The following ROBO1 variants were observed in gnomAD, a reference collection of about 807,000 sequenced individuals.
The protein encoded by ROBO1 is roundabout guidance receptor 1.
In ROBO1, 149 loss-of-function variants were observed where a neutral mutation model predicts 195.9. That is an observed-to-expected ratio of 0.76 (90% CI 0.67 to 0.87). ROBO1 has a LOEUF of 0.87. ROBO1 is among the 40% of genes least tolerant of loss of function. The pLI is 0.00. For missense variants in ROBO1, 1,933 were observed against 2,068.3 expected, an observed-to-expected ratio of 0.93 and a Z score of 1.27; for synonymous variants, 816 against 733.2, an observed-to-expected ratio of 1.11 and a Z score of -1.82.
chr3:78,749,701 G>GT (rs1303775561), intron 4 of ROBO1, among the ~76,000 whole-genome samples: 1 of 152,040 alleles, frequency 6.6e-6, no homozygotes, highest in African/African-American at 2.4e-5. Flanking sequence ...GTACACTTAA[G>GT]TCATCACAAT....
Position 78,633,938 on chromosome 3 carries a change from A to C in ROBO1, c.3478T>G (p.Ser1160Ala). ...TTCTTTGGTTCATCTTACTTACCAG[A>C]TGTACTACTGCCCCGGTCTGAGCTG... ...YNSSDRGSST[S>A]GSQGHKKGAR... is the part of the protein sequence containing the mutation. Residue 1160 changes from serine (S) to alanine (A), a missense_variant, in exon 24 of 31, where the codon TCT (serine) becomes GCT (alanine). By Grantham distance (99) the Ser-to-Ala change is moderately conservative. This residue lies in a region of ROBO1 where 1,737 missense variants were observed against 1,882.5 expected (regional missense o/e 0.92). Coordinates refer to ENST00000464233, the MANE Select transcript of ROBO1 (RefSeq NM_002941.4). The C allele has an allele frequency of 6.3e-7, 1 of 1,597,604 alleles. No individual in the cohort carries two copies. The highest frequency in any genetic ancestry group is 8.6e-7 in the Non-Finnish European group (1 of 1,168,912).
chr3:79,101,785 G>A (rs1260717764), intron 3 of ROBO1, among the ~76,000 whole-genome samples: 13 of 151,874 alleles, frequency 8.6e-5, no homozygotes, highest in Admixed American at 8.6e-4. Context: ...GATTTTACCA[G>A]GATTTCTTTG....
At chr3:79,086,867 T>G (rs2108477774) in intron 3 of ROBO1, among the ~76,000 whole-genome samples, 1 of 152,286 alleles carries the variant, frequency 6.6e-6, no homozygotes, top group South Asian at 2.1e-4. Flanking sequence ...ATAAAACTCC[T>G]TTATGAGGTC....
chr3:78,973,684 T>C (rs2107933285), intron 3 of ROBO1, among the ~76,000 whole-genome samples: 1 of 150,790 alleles, frequency 6.6e-6, no homozygotes, highest in East Asian at 2.0e-4. Flanking sequence ...ACAAGGCAAT[T>C]AAATAAATTC....
rs556855735 is a variant in ROBO1, at chr3:78,811,536, A to G, written c.500-64636T>C. Among the ~76,000 whole-genome samples the G allele has an allele frequency of 2.6e-4, 40 of 152,220 alleles. No homozygotes were observed. In the Middle Eastern group the frequency reaches 0.01, roughly 39 times the overall value. On this transcript the variant is annotated intron_variant, in intron 4 of 30. Coordinates refer to ENST00000464233, the MANE Select transcript of ROBO1 (RefSeq NM_002941.4). Reference sequence around the variant, plus strand: ...TGTGGAAACAGCTAAATCCTACAATATCTCTCAATTGCCCTGAAAATAGAA... The same window carrying G: ...TGTGGAAACAGCTAAATCCTACAATGTCTCTCAATTGCCCTGAAAATAGAA...
chr3:78,747,035 T>C (rs1253237803), intron 4 of ROBO1, 135 bp from the exon 5 acceptor site: 6 of 474,664 alleles, frequency 1.3e-5, no homozygotes, highest in Non-Finnish European at 1.7e-5. Flanking sequence ...TTTAAGAATC[T>C]ATATCTACTT....
chr3:79,398,953 T>A (rs2037256692), intron 2 of ROBO1, among the ~76,000 whole-genome samples: 1 of 152,088 alleles, frequency 6.6e-6, no homozygotes, highest in Admixed American at 6.6e-5. Flanking sequence ...TGATCAAATT[T>A]TCTTCCTTTT....
intron 1 of ROBO1, among the ~76,000 whole-genome samples, chr3:79,672,533 G>C (rs561887476): frequency 6.6e-6 from 1 of 151,974 alleles, no homozygotes; most frequent in South Asian, 2.1e-4. Flanking sequence ...AAGTACACAG[G>C]ATAAATATCA....
intron 3 of ROBO1, among the ~76,000 whole-genome samples, chr3:78,952,673 A>C (rs1186829552): frequency 2.0e-5 from 3 of 152,038 alleles, no homozygotes; most frequent in South Asian, 4.1e-4. Context: ...TTGAAATAAG[A>C]AGCATAAAAA....
chr3:79,557,496 G>A (rs1454242419), intron 2 of ROBO1, among the ~76,000 whole-genome samples: 1 of 151,824 alleles, frequency 6.6e-6, no homozygotes, highest in Non-Finnish European at 1.5e-5. Context: ...CCACTTCAGA[G>A]GCTGAGGGGG....
intron 13 of ROBO1, 40 bp downstream of exon 13, chr3:78,668,094 A>C: frequency 6.2e-7 from 1 of 1,611,088 alleles, no homozygotes; most frequent in African/African-American, 1.3e-5. Context: ...TTAATGGAGA[A>C]TCAAAAAAGA....
chr3:78,866,629 G>A (rs955689818), intron 4 of ROBO1, among the ~76,000 whole-genome samples: 1 of 152,150 alleles, frequency 6.6e-6, no homozygotes, highest in African/African-American at 2.4e-5. Context: ...TTGCATAGTA[G>A]TCCAGGTGAC....
chr3:78,768,581 G>C (rs2083286842), intron 4 of ROBO1, among the ~76,000 whole-genome samples: 1 of 151,218 alleles, frequency 6.6e-6, no homozygotes. Flanking sequence ...TTGTGTGTCT[G>C]GTATGTTAAA....
At chr3:79,253,944 T>G (rs990952130) in intron 2 of ROBO1, among the ~76,000 whole-genome samples, 14 of 152,202 alleles carry the variant, frequency 9.2e-5, no homozygotes, top group African/African-American at 3.4e-4. Flanking sequence ...GGTTGCAACA[T>G]GATTTAACGT....
intron 4 of ROBO1, among the ~76,000 whole-genome samples, chr3:78,922,873 C>T (rs769063455): frequency 6.6e-6 from 1 of 152,198 alleles, no homozygotes; most frequent in African/African-American, 2.4e-5. Context: ...GCTGGCATTA[C>T]AGGTGTGAGC....
At chr3:79,156,829 T>C (rs1576749255) in intron 2 of ROBO1, among the ~76,000 whole-genome samples, 2 of 151,964 alleles carry the variant, frequency 1.3e-5, no homozygotes, top group South Asian at 4.1e-4. Flanking sequence ...TTGAGGTTGG[T>C]AAGGAGAATA....
chr3:78,649,145 A>G (rs1706489174), intron 19 of ROBO1, among the ~76,000 whole-genome samples: 1 of 151,994 alleles, frequency 6.6e-6, no homozygotes, highest in Admixed American at 6.6e-5. Context: ...AAAAAATGAA[A>G]GGTGCATTTG....
chr3:79,463,095 C>T (rs537600573), intron 2 of ROBO1, among the ~76,000 whole-genome samples: 2 of 152,194 alleles, frequency 1.3e-5, no homozygotes, highest in South Asian at 2.1e-4. Context: ...TTTTCAAGGC[C>T]GGGCGAGGTG....
At chr3:79,586,395 G>T (rs1943831117) in intron 2 of ROBO1, among the ~76,000 whole-genome samples, 2 of 151,872 alleles carry the variant, frequency 1.3e-5, no homozygotes, top group South Asian at 4.1e-4. Context: ...CAGATAAGCA[G>T]TAAATCATTT....
Sources: allele counts gnomAD v4.1 joint callset (sites outside exome capture counted in the v4.1 genomes callset), GRCh38; gene constraint gnomAD v4.1.1; regional missense constraint gnomAD v4.1.1; transcripts MANE v1.5; gene names NCBI Gene and HGNC (gene_info 2026-07-23, HGNC 2026-07-21).